The following SNCAIP variants were observed in gnomAD, a reference collection of about 807,000 sequenced individuals.
The protein encoded by SNCAIP is synphilin-1.
A neutral mutation model predicts 86.7 loss-of-function variants in SNCAIP; 43 were observed. The ratio of observed to expected loss-of-function variants is 0.50; its 90% confidence interval spans 0.39 to 0.64. The LOEUF is 0.64. Ranked by LOEUF, SNCAIP falls within the 30% of genes least tolerant of loss-of-function variation. The pLI is 0.00. For synonymous variants in SNCAIP, 417 were observed against 427.2 expected, an observed-to-expected ratio of 0.98 and a Z score of 0.29; for missense variants, 981 against 1,103.1, an observed-to-expected ratio of 0.89 and a Z score of 1.57.
chr5:122,434,630 G>T (rs1301325115), intron 6 of SNCAIP, among the ~76,000 whole-genome samples: 6 of 152,080 alleles, frequency 3.9e-5, no homozygotes, highest in African/African-American at 1.4e-4. Context: ...CAGCTCTGAG[G>T]GGGGCAGTCC....
chr5:122,329,620 C>T (rs1754853758), intron 1 of SNCAIP, among the ~76,000 whole-genome samples: 1 of 152,246 alleles, frequency 6.6e-6, no homozygotes, highest in Non-Finnish European at 1.5e-5. Flanking sequence ...CTTACTTTAA[C>T]TTACAAATCT....
chr5:122,341,168 C>A (rs1334498320), intron 1 of SNCAIP, among the ~76,000 whole-genome samples: 1 of 152,154 alleles, frequency 6.6e-6, no homozygotes, highest in Non-Finnish European at 1.5e-5. Flanking sequence ...TAATCAGCAC[C>A]TTGTCTTTCT....
At chr5:122,444,361 C>A in intron 7 of SNCAIP, 1 of 628,012 alleles carries the variant, frequency 1.6e-6, no homozygotes, top group South Asian at 1.7e-5. Context: ...CCAGCCCCCT[C>A]CTTATGTGGG....
intron 1 of SNCAIP, among the ~76,000 whole-genome samples, chr5:122,334,932 G>A (rs1756132580): frequency 6.6e-6 from 1 of 152,088 alleles, no homozygotes; most frequent in Non-Finnish European, 1.5e-5. Flanking sequence ...GGGGACTACA[G>A]GTTTCAGGAA....
At chr5:122,417,265 A>G (rs1457240421) in intron 3 of SNCAIP, among the ~76,000 whole-genome samples, 1 of 152,216 alleles carries the variant, frequency 6.6e-6, no homozygotes, top group Admixed American at 6.5e-5. Context: ...CCTCATAATT[A>G]TAAATTTGTG....
intron 1 of SNCAIP, among the ~76,000 whole-genome samples, chr5:122,370,478 A>G (rs909279923): frequency 6.6e-6 from 1 of 152,104 alleles, no homozygotes; most frequent in African/African-American, 2.4e-5. Context: ...GGATGGGACA[A>G]TTGCACCCTG....
intron 1 of SNCAIP, among the ~76,000 whole-genome samples, chr5:122,366,372 C>G (rs1763199338): frequency 6.6e-6 from 1 of 152,046 alleles, no homozygotes; most frequent in African/African-American, 2.4e-5. Context: ...GAAAGAGAGA[C>G]AGAGAAAGAC....
intron 1 of SNCAIP, among the ~76,000 whole-genome samples, chr5:122,322,288 A>T (rs917797291): frequency 6.6e-6 from 1 of 152,268 alleles, no homozygotes; most frequent in Admixed American, 6.5e-5. Context: ...ACCCCCAAAG[A>T]TAAGTGTCAC....
chr5:122,463,195 G>A (rs1338710964), intron 10 of SNCAIP, among the ~76,000 whole-genome samples: 1 of 152,156 alleles, frequency 6.6e-6, no homozygotes, highest in African/African-American at 2.4e-5. Context: ...GTTTAACTTT[G>A]ATAAAATTCC....
intron 1 of SNCAIP, among the ~76,000 whole-genome samples, chr5:122,341,330 T>G (rs1196369414): frequency 6.6e-6 from 1 of 152,232 alleles, no homozygotes; most frequent in Non-Finnish European, 1.5e-5. Flanking sequence ...GTTAAATGAA[T>G]CAGCTACTTT....
chr5:122,366,715 C>A (rs961539935), intron 1 of SNCAIP, among the ~76,000 whole-genome samples: 4 of 152,040 alleles, frequency 2.6e-5, no homozygotes, highest in African/African-American at 9.7e-5. Context: ...TTGATAGGAG[C>A]TGAATGTAGG....
At chr5:122,367,172 T>A (rs1763352698) in intron 1 of SNCAIP, among the ~76,000 whole-genome samples, 1 of 152,074 alleles carries the variant, frequency 6.6e-6, no homozygotes, top group African/African-American at 2.4e-5. Context: ...ATGGAATCTG[T>A]ACACATAGGT....
intron 1 of SNCAIP, among the ~76,000 whole-genome samples, chr5:122,366,362 GAA>G (rs768373357): frequency 9.2e-5 from 14 of 152,190 alleles, no homozygotes; most frequent in Non-Finnish European, 1.8e-4. Context: ...GTGTATGTGA[GAA>G]AGAGAGACAG....
intron 1 of SNCAIP, among the ~76,000 whole-genome samples, chr5:122,374,801 T>A (rs1321030068): frequency 2.0e-5 from 3 of 152,176 alleles, no homozygotes; most frequent in African/African-American, 7.2e-5. Flanking sequence ...GATATTGTGT[T>A]TAAAAAACAA....
chr5:122,442,441 C>T (rs549396232), intron 7 of SNCAIP, among the ~76,000 whole-genome samples: 5 of 152,130 alleles, frequency 3.3e-5, no homozygotes, highest in Admixed American at 1.3e-4. Context: ...GGAAATAGTC[C>T]GGAGAGCTGA....
intron 1 of SNCAIP, among the ~76,000 whole-genome samples, chr5:122,356,463 A>T (rs181696649): frequency 2.4e-4 from 37 of 152,052 alleles, no homozygotes; most frequent in East Asian, 1.5e-3. Context: ...ATAAATTAAA[A>T]TTTTTTTTGA....
intron 1 of SNCAIP, among the ~76,000 whole-genome samples, chr5:122,382,876 A>G (rs1204253641): frequency 2.0e-5 from 3 of 152,224 alleles, no homozygotes; most frequent in East Asian, 3.9e-4. Context: ...TCAGGGACCC[A>G]CTTGAGGAGG....
intron 3 of SNCAIP, among the ~76,000 whole-genome samples, chr5:122,410,409 C>T (rs904963883): frequency 3.3e-5 from 5 of 152,154 alleles, no homozygotes; most frequent in African/African-American, 4.8e-5. Context: ...CTACCTTTAA[C>T]CCCTTTTAAC....
intron 6 of SNCAIP, among the ~76,000 whole-genome samples, chr5:122,432,546 T>G (rs1453372175): frequency 6.6e-6 from 1 of 152,152 alleles, no homozygotes; most frequent in Non-Finnish European, 1.5e-5. Flanking sequence ...TTTTTTACAG[T>G]AAACACATTT....
Sources: allele counts gnomAD v4.1 joint callset (sites outside exome capture counted in the v4.1 genomes callset), GRCh38; gene constraint gnomAD v4.1.1; transcripts MANE v1.5; gene names NCBI Gene and HGNC (gene_info 2026-07-23, HGNC 2026-07-21).